PLPP4: variants seen among roughly 807,000 people sequenced by gnomAD.
PLPP4 encodes phospholipid phosphatase 4, also known as diacylglycerol pyrophosphate like 2.
A neutral mutation model predicts 32.2 loss-of-function variants in PLPP4; 20 were observed. The observed-to-expected ratio is 0.62, with a 90% CI of 0.44 to 0.90. The LOEUF (loss-of-function observed/expected upper bound fraction) is 0.90. Ranked by LOEUF, PLPP4 falls within the 40% of genes least tolerant of loss-of-function variation. PLPP4 has a pLI of 0.00. For missense variants in PLPP4, 257 were observed against 353.1 expected (o/e 0.73, Z 2.18); for synonymous variants, 127 against 133.0 (o/e 0.95, Z 0.31).
At chr10:120,569,324 A>G (rs1489743640) in intron 5 of PLPP4, among the ~76,000 whole-genome samples, 1 of 151,688 alleles carries the variant, frequency 6.6e-6, no homozygotes. Context: ...GCCTCCAGCC[A>G]GTTGACAAAA....
At chr10:120,540,790 A>G (rs1272746514) in intron 5 of PLPP4, among the ~76,000 whole-genome samples, 1 of 152,220 alleles carries the variant, frequency 6.6e-6, no homozygotes, top group Non-Finnish European at 1.5e-5. Flanking sequence ...TAGCATAGAG[A>G]AATCTGGGAC....
At position 120,518,914 on chromosome 10, in the gene PLPP4, T is replaced by C. The variant is rs188194752; in HGVS notation, c.320+18T>C. Reference sequence around the variant, plus strand: ...GTGGGAAGGTAAGTTCCAAGAAGAATGAAATGGTGACTTAGACTATCAAGG... The same window carrying C: ...GTGGGAAGGTAAGTTCCAAGAAGAACGAAATGGTGACTTAGACTATCAAGG... On this transcript the variant is annotated intron_variant, in intron 4 of 6. Coordinates refer to ENST00000398250, the MANE Select transcript of PLPP4 (RefSeq NM_001030059.3). 2,209 of 1,600,200 alleles carry C rather than the reference T, an allele frequency of 1.4e-3. 32 individuals are homozygous for C. The South Asian group carries it at 0.023, about 16-fold the overall frequency.
Position 120,589,443 on chromosome 10 carries a change from C to G in PLPP4, c.757C>G (p.Pro253Ala), listed in dbSNP as rs372547421. 5.0e-6 allele frequency: 8 copies of G among 1,613,932 alleles called. No individual in the cohort carries two copies. In the African/African-American group the frequency reaches 1.1e-4, roughly 22 times the overall value. The change falls in exon 7 of 7, where the codon CCC becomes GCC. Residue 253 changes from proline to alanine, a missense_variant. Pro to Ala is a conservative substitution (Grantham distance 27). Transcript: ENST00000398250. ...VPASLKKEER[P>A]TADSAPSLPL... ...AGCCTCACTGAAGAAAGAGGAGAGG[C>G]CCACAGCTGACAGCGCACCCAGCTT... is the stretch of plus-strand genomic sequence containing the variant.
At position 120,493,575 on chromosome 10, in the gene PLPP4, C is replaced by A. The variant is rs11199369; in HGVS notation, c.57-10243C>A. Among the ~76,000 whole-genome samples, 762 of 152,314 alleles carry A rather than the reference C, an allele frequency of 5.0e-3. 3 individuals are homozygous for A. The highest frequency in any genetic ancestry group is 8.3e-3 in the Non-Finnish European group (566 of 68,024). On this transcript the variant is annotated intron_variant, in intron 1 of 6. Coordinates refer to ENST00000398250, the MANE Select transcript of PLPP4 (RefSeq NM_001030059.3). ...GTCCTCTCTCTGCCAGTCCCGCTGC[C>A]TTCCATGCCCTGGGAGCTGGATAGA...
chr10:120,509,987 T>C (rs937027305), intron 2 of PLPP4, among the ~76,000 whole-genome samples: 2 of 152,248 alleles, frequency 1.3e-5, no homozygotes, highest in Admixed American at 1.3e-4. Context: ...ACTCCTCATT[T>C]TACCACTTGA....
intron 5 of PLPP4, among the ~76,000 whole-genome samples, chr10:120,538,553 C>T (rs183104427): frequency 6.6e-6 from 1 of 152,160 alleles, no homozygotes; most frequent in Non-Finnish European, 1.5e-5. Context: ...CAGGTCACTC[C>T]TCAGCTTGAA....
chr10:120,505,623 C>T (rs963097417), intron 2 of PLPP4, among the ~76,000 whole-genome samples: 6 of 152,120 alleles, frequency 3.9e-5, no homozygotes, highest in African/African-American at 9.7e-5. Flanking sequence ...ATAATGCCAG[C>T]GAGCATTAAA....
At chr10:120,474,516 T>C (rs1285368856) in intron 1 of PLPP4, among the ~76,000 whole-genome samples, 1 of 152,176 alleles carries the variant, frequency 6.6e-6, no homozygotes, top group Non-Finnish European at 1.5e-5. Context: ...ATTATAGAAA[T>C]ACTTGGTTCC....
rs755228411 is a variant in PLPP4 at position 120,589,495 on chromosome 10, C to T, written c.809C>T (p.Pro270Leu). 1.4e-5 allele frequency: 22 copies of T among 1,613,596 alleles called. No homozygotes were observed. The highest frequency in any genetic ancestry group is 8.0e-5 in the African/African-American group (6 of 74,920). The change falls in exon 7 of 7, where the codon CCG becomes CTG. Residue 270 changes from proline (P) to leucine (L), a missense_variant. Transcript: ENST00000398250. ...CCTCTGGAGGGGATCACCGAAGGCC[C>T]GGTATGACCAGTGTCCTGGGAGGAT... ...SLPLEGITEG[P>L]V
chr10:120,476,788 G>A (rs1269284896), intron 1 of PLPP4, among the ~76,000 whole-genome samples: 1 of 152,162 alleles, frequency 6.6e-6, no homozygotes, highest in Middle Eastern at 3.2e-3. Context: ...ACTGGATGGG[G>A]TTCTCAGGGC....
At chr10:120,510,565 A>G (rs531746612) in intron 2 of PLPP4, among the ~76,000 whole-genome samples, 2 of 152,258 alleles carry the variant, frequency 1.3e-5, no homozygotes, top group East Asian at 3.9e-4. Context: ...TGCAGCTACC[A>G]ATGGCCTTTG....
chr10:120,553,696 A>G (rs923922312), intron 5 of PLPP4, among the ~76,000 whole-genome samples: 3 of 152,182 alleles, frequency 2.0e-5, no homozygotes, highest in Non-Finnish European at 4.4e-5. Context: ...ACTTAACACC[A>G]TGTGGAAGCT....
chr10:120,463,756 G>A, intron 1 of PLPP4, among the ~76,000 whole-genome samples: 1 of 151,446 alleles, frequency 6.6e-6, no homozygotes, highest in East Asian at 1.9e-4. Context: ...CACAACCATA[G>A]CTATTCTCCT....
In PLPP4 at chr10:120,533,189, C is replaced by CT. The variant is rs1846820248; in HGVS notation, c.445+12100dup. On this transcript the variant is annotated intron_variant, in intron 5 of 6. Transcript: ENST00000398250. The stretch of plus-strand genomic sequence containing the variant: ...CTTGACATCATTTGTTATATTCCAT[C>CT]TTTTTTATTATAGCCATGCTAATTG... 6.6e-5 allele frequency among the ~76,000 whole-genome samples: 10 copies of CT among 152,182 alleles called. No individual in the cohort carries two copies. In the South Asian group the frequency reaches 2.1e-3, roughly 32 times the overall value.
intron 1 of PLPP4, among the ~76,000 whole-genome samples, chr10:120,496,195 T>A (rs1352654356): frequency 6.6e-6 from 1 of 152,230 alleles, no homozygotes; most frequent in African/African-American, 2.4e-5. Flanking sequence ...GCACATGGGC[T>A]AAGGGCATTG....
At chr10:120,569,369 C>G (rs1345165667) in intron 5 of PLPP4, among the ~76,000 whole-genome samples, 1 of 152,196 alleles carries the variant, frequency 6.6e-6, no homozygotes, top group Non-Finnish European at 1.5e-5. Context: ...CATTTTTCTT[C>G]CCACCACTGT....
intron 5 of PLPP4, among the ~76,000 whole-genome samples, chr10:120,558,677 A>C (rs1267783328): frequency 6.6e-6 from 1 of 152,146 alleles, no homozygotes; most frequent in Non-Finnish European, 1.5e-5. Context: ...TTGGCCTCCC[A>C]AAGTGCTGGG....
intron 5 of PLPP4, among the ~76,000 whole-genome samples, chr10:120,531,864 TACACACACTAC>T (rs1413790282): frequency 5.9e-4 from 68 of 115,544 alleles, no homozygotes; most frequent in African/African-American, 2.2e-3. Flanking sequence ...GTACACACAC[TACACACACTAC>T]ACACACACAC....
intron 5 of PLPP4, among the ~76,000 whole-genome samples, chr10:120,538,516 G>A (rs1002389706): frequency 6.6e-6 from 1 of 152,036 alleles, no homozygotes; most frequent in South Asian, 2.1e-4. Flanking sequence ...CACGTTTTTG[G>A]AGAATGACAT....
Sources: gnomAD v4.1 joint callset for allele counts (sites outside exome capture counted in the v4.1 genomes callset) on GRCh38, gnomAD v4.1.1 for gene constraint, MANE v1.5 for transcripts, NCBI Gene and HGNC (gene_info 2026-07-23, HGNC 2026-07-21) for gene names.